The following PRKCE variants were observed in gnomAD, a reference collection of about 807,000 sequenced individuals.
PRKCE encodes protein kinase C epsilon.
A neutral mutation model predicts 85.4 loss-of-function variants in PRKCE; 16 were observed. The ratio of observed to expected loss-of-function variants is 0.19; its 90% CI spans 0.13 to 0.28. PRKCE has a LOEUF of 0.28. PRKCE is among the 10% of genes least tolerant of loss of function. The pLI is 1.00. For missense variants in PRKCE, 573 were observed against 975.2 expected (o/e 0.59, Z 5.49); for synonymous variants, 388 against 371.5 (o/e 1.04, Z -0.51).
At chr2:45,716,726 G>A (rs1173337423) in intron 1 of PRKCE, among the ~76,000 whole-genome samples, 6 of 52,440 alleles carry the variant, frequency 1.1e-4, no homozygotes, top group Admixed American at 6.7e-4. Flanking sequence ...AAGGAAGGAA[G>A]GAAGGAAAGT....
intron 14 of PRKCE, among the ~76,000 whole-genome samples, chr2:46,173,471 T>C (rs1679117345): frequency 6.6e-6 from 1 of 152,260 alleles, no homozygotes; most frequent in African/African-American, 2.4e-5. Context: ...AGCCGTGGAA[T>C]TTAGACATAG....
chr2:46,023,686 T>C (rs1181441401), intron 10 of PRKCE, among the ~76,000 whole-genome samples: 1 of 152,142 alleles, frequency 6.6e-6, no homozygotes, highest in Non-Finnish European at 1.5e-5. Flanking sequence ...AGGTCACAAA[T>C]TGGGGCTGGC....
At chr2:45,765,254 A>C (rs1464342488) in intron 1 of PRKCE, among the ~76,000 whole-genome samples, 1 of 152,246 alleles carries the variant, frequency 6.6e-6, no homozygotes, top group African/African-American at 2.4e-5. Flanking sequence ...AAGCAGCCAC[A>C]TGATGAGTAA....
intron 2 of PRKCE, among the ~76,000 whole-genome samples, chr2:45,920,492 C>T (rs1314762869): frequency 2.0e-5 from 3 of 152,174 alleles, no homozygotes; most frequent in Non-Finnish European, 4.4e-5. Flanking sequence ...AGCCAAAAAG[C>T]AGAAGCAACC....
intron 10 of PRKCE, among the ~76,000 whole-genome samples, chr2:46,069,861 G>A (rs369086616): frequency 1.2e-4 from 19 of 152,206 alleles, no homozygotes; most frequent in South Asian, 8.3e-4. Context: ...CAATTCTAGC[G>A]GTCACCTATT....
At chr2:46,011,114 C>T in intron 10 of PRKCE, 1 of 297,926 alleles carries the variant, frequency 3.4e-6, no homozygotes, top group Non-Finnish European at 5.6e-6. Flanking sequence ...TAATTTGTTA[C>T]CTGTTTTTAG....
At chr2:46,059,388 C>T (rs368654414) in intron 10 of PRKCE, among the ~76,000 whole-genome samples, 15 of 152,204 alleles carry the variant, frequency 9.9e-5, no homozygotes, top group African/African-American at 3.6e-4. Flanking sequence ...CTTCTGCAAT[C>T]ACTACATACA....
chr2:45,695,118 T>C (rs183489243), intron 1 of PRKCE, among the ~76,000 whole-genome samples: 1 of 152,200 alleles, frequency 6.6e-6, no homozygotes, highest in Non-Finnish European at 1.5e-5. Context: ...AGCTTGGATG[T>C]ATTCCTTCAA....
rs566337890 is a variant in PRKCE at position 45,987,147 on chromosome 2, G to A, written c.823+2467G>A. Reference sequence around the variant, plus strand: ...AGCCCAGACACCCAGACATCACTGTGAGGGCTGTGGGTCCCCAATGACCCT... The same window carrying A: ...AGCCCAGACACCCAGACATCACTGTAAGGGCTGTGGGTCCCCAATGACCCT... On this transcript the variant is annotated intron_variant, in intron 6 of 14. Transcript: ENST00000306156. Among the ~76,000 whole-genome samples the A allele has an allele frequency of 3.3e-5, 5 of 152,238 alleles. No homozygotes were observed. In the South Asian group the frequency reaches 1.0e-3, roughly 32 times the overall value.
chr2:45,652,463 TC>T lies in PRKCE; in HGVS notation c.348+19del. 6.3e-7 allele frequency: 1 copy of T among 1,579,448 alleles called. No homozygotes were observed. ...TCGAGGACTGGGTGAGTGCGGCGCC[TC>T]CCCGTCATTCCGGGAACCCGGTTGT... On this transcript the variant is annotated intron_variant, in intron 1 of 14. Coordinates refer to ENST00000306156, the MANE Select transcript of PRKCE (RefSeq NM_005400.3). The surrounding 1 kb of genome is among the most constrained non-coding windows in gnomAD (Gnocchi z 7.7).
intron 2 of PRKCE, among the ~76,000 whole-genome samples, chr2:45,929,444 G>A (rs550240602): frequency 6.6e-6 from 1 of 152,056 alleles, no homozygotes; most frequent in Non-Finnish European, 1.5e-5. Context: ...ATCCCCCCAC[G>A]GGACTGAGTT....
chr2:45,980,511 C>A (rs1702802722), intron 5 of PRKCE, 130 bp downstream of exon 5: 1 of 851,020 alleles, frequency 1.2e-6, no homozygotes, highest in Non-Finnish European at 1.8e-6. Context: ...GATAAAAAAA[C>A]AAAGGGAGCT....
rs1270843685 is a variant in PRKCE at position 45,697,671 on chromosome 2, G to A, written c.348+45223G>A. 2.6e-5 allele frequency among the ~76,000 whole-genome samples: 4 copies of A among 152,090 alleles called. No homozygotes were observed. Among genetic ancestry groups the A allele is most frequent in the Non-Finnish European group, 5.9e-5 (4 of 68,020 alleles). The stretch of plus-strand genomic sequence containing the variant: ...TGCCATCTTCACCTGAAGGCCCTTG[G>A]CTCCAACCTGCCTCTGTTCCCAGGA... On this transcript the variant is annotated intron_variant, in intron 1 of 14. Coordinates refer to ENST00000306156, the MANE Select transcript of PRKCE (RefSeq NM_005400.3). This position sits in a 1 kb window ranked among gnomAD's most constrained non-coding sequence, Gnocchi z 4.2.
chr2:46,055,115 G>A (rs895839328), intron 10 of PRKCE, among the ~76,000 whole-genome samples: 4 of 152,196 alleles, frequency 2.6e-5, no homozygotes, highest in Non-Finnish European at 5.9e-5. Flanking sequence ...AGGCGCAAAA[G>A]GCCGTCACAC....
At chr2:46,163,286 C>A (rs1677956751) in intron 14 of PRKCE, among the ~76,000 whole-genome samples, 1 of 151,950 alleles carries the variant, frequency 6.6e-6, no homozygotes, top group Non-Finnish European at 1.5e-5. Flanking sequence ...GAGGTGCATC[C>A]CCATAGAGGC....
intron 1 of PRKCE, among the ~76,000 whole-genome samples, chr2:45,807,473 G>A (rs749156281): frequency 1.6e-4 from 24 of 152,248 alleles, no homozygotes; most frequent in Admixed American, 3.3e-4. Context: ...AGTGGTTGGT[G>A]TCTCCTAATC....
At chr2:45,860,617 A>G (rs1693078230) in intron 2 of PRKCE, among the ~76,000 whole-genome samples, 1 of 152,166 alleles carries the variant, frequency 6.6e-6, no homozygotes, top group Non-Finnish European at 1.5e-5. Context: ...ATATATGTGC[A>G]TGTGAGTGCT....
intron 1 of PRKCE, among the ~76,000 whole-genome samples, chr2:45,740,295 C>T (rs1192503367): frequency 6.6e-6 from 1 of 152,058 alleles, no homozygotes; most frequent in Non-Finnish European, 1.5e-5. Context: ...GTCAGGAGTC[C>T]CTAGGGAATG....
At chr2:45,874,417 A>G (rs917167498) in intron 2 of PRKCE, among the ~76,000 whole-genome samples, 6 of 152,170 alleles carry the variant, frequency 3.9e-5, no homozygotes, top group African/African-American at 1.4e-4. Flanking sequence ...AGGCTGAGGG[A>G]GGAAAGAGGC....
Sources: allele counts gnomAD v4.1 joint callset (sites outside exome capture counted in the v4.1 genomes callset), GRCh38; gene constraint gnomAD v4.1.1; non-coding constraint Gnocchi (gnomAD v3.1); transcripts MANE v1.5; gene names NCBI Gene and HGNC (gene_info 2026-07-23, HGNC 2026-07-21).